NALF1: variants seen among roughly 807,000 people sequenced by gnomAD.
NALF1 encodes family with sequence similarity 155 member A.
Under a neutral mutation model 48.4 loss-of-function variants are expected in NALF1, and 3 were observed. The ratio of observed to expected loss-of-function variants is 0.06; its 90% CI spans 0.03 to 0.16. The LOEUF is 0.16. NALF1 is among the 10% of genes least tolerant of loss of function. The probability of loss-of-function intolerance (pLI) is 1.00; values close to 1 mark genes in which losing one functional copy is unlikely to be tolerated. For synonymous variants in NALF1, 262 were observed against 245.7 expected (o/e 1.07, Z -0.62); for missense variants, 526 against 571.5 (o/e 0.92, Z 0.81).
intron 1 of NALF1, among the ~76,000 whole-genome samples, chr13:107,745,011 G>A (rs1333369176): frequency 3.9e-5 from 6 of 152,148 alleles, no homozygotes. Flanking sequence ...TTCACAACCA[G>A]TATCAACACG....
At chr13:107,836,803 C>T (rs747968398) in intron 1 of NALF1, among the ~76,000 whole-genome samples, 6 of 152,030 alleles carry the variant, frequency 3.9e-5, no homozygotes, top group African/African-American at 4.8e-5. Flanking sequence ...TTGGAAATGG[C>T]GAAGCTCTTT....
intron 1 of NALF1, among the ~76,000 whole-genome samples, chr13:107,627,928 A>G (rs1879723454): frequency 6.6e-6 from 1 of 152,122 alleles, no homozygotes; most frequent in Admixed American, 6.6e-5. Flanking sequence ...AAAAAATAAT[A>G]ATAAATAAAA....
intron 1 of NALF1, among the ~76,000 whole-genome samples, chr13:107,319,979 C>G (rs371546999): frequency 3.9e-5 from 6 of 152,160 alleles, no homozygotes; most frequent in African/African-American, 1.4e-4. Flanking sequence ...TTGTGACACA[C>G]CAAAGTTGAG....
rs553463943 is a variant in NALF1, at chr13:107,557,668, AC to A, written c.915+308013del. 4.1e-3 allele frequency among the ~76,000 whole-genome samples: 622 copies of A among 152,160 alleles called. 6 individuals are homozygous for A. Among genetic ancestry groups the A allele is most frequent in the African/African-American group, 0.014 (584 of 41,506 alleles). ...CACAGCCTTTTTGAGATGGAAGAAA[AC>A]ACATTTTGTGGAAAGGAACACTCAG... On this transcript the variant is annotated intron_variant, in intron 1 of 2. Transcript: ENST00000375915.
intron 1 of NALF1, among the ~76,000 whole-genome samples, chr13:107,823,931 T>A (rs1225598069): frequency 1.3e-5 from 2 of 152,058 alleles, no homozygotes; most frequent in Non-Finnish European, 2.9e-5. Context: ...TGTAAAGTGT[T>A]TCTTGTAGTG....
chr13:107,192,923 T>C (rs1253678703), intron 2 of NALF1, among the ~76,000 whole-genome samples: 5 of 152,198 alleles, frequency 3.3e-5, no homozygotes, highest in African/African-American at 9.7e-5. Context: ...CAATAGTAAG[T>C]ACATGGAAAT....
At chr13:107,851,805 C>CTT (rs34999908) in intron 1 of NALF1, among the ~76,000 whole-genome samples, 1,994 of 104,682 alleles carry the variant, frequency 0.019, 52 homozygotes, top group African/African-American at 0.051. Context: ...CAGGCCCTTT[C>CTT]TTTTTTTTTT....
intron 1 of NALF1, among the ~76,000 whole-genome samples, chr13:107,404,075 G>A (rs188528771): frequency 6.6e-6 from 1 of 152,062 alleles, no homozygotes; most frequent in Non-Finnish European, 1.5e-5. Flanking sequence ...GATAATGAAA[G>A]TATAAACATT....
chr13:107,239,757 C>A (rs1181152268), intron 1 of NALF1, among the ~76,000 whole-genome samples: 1 of 152,106 alleles, frequency 6.6e-6, no homozygotes, highest in Non-Finnish European at 1.5e-5. Context: ...AGAAGAGAGA[C>A]TGGGGATTAA....
intron 1 of NALF1, among the ~76,000 whole-genome samples, chr13:107,464,037 A>T (rs906641550): frequency 3.9e-5 from 6 of 152,170 alleles, no homozygotes; most frequent in Non-Finnish European, 8.8e-5. Flanking sequence ...GTAGAATAGT[A>T]AGAATGTCTT....
chr13:107,469,384 C>T (rs1486708285), intron 1 of NALF1, among the ~76,000 whole-genome samples: 1 of 151,976 alleles, frequency 6.6e-6, no homozygotes, highest in Non-Finnish European at 1.5e-5. Context: ...GTTATATGCC[C>T]AATTATGGCA....
intron 1 of NALF1, among the ~76,000 whole-genome samples, chr13:107,621,728 C>T (rs1879521915): frequency 6.6e-6 from 1 of 152,186 alleles, no homozygotes. Context: ...ACACAATAAT[C>T]CATGAGAAAA....
intron 1 of NALF1, among the ~76,000 whole-genome samples, chr13:107,313,226 C>G (rs1473334425): frequency 6.6e-6 from 1 of 151,856 alleles, no homozygotes; most frequent in Non-Finnish European, 1.5e-5. Flanking sequence ...GAAAAAGGAA[C>G]AGGAATTTTT....
intron 2 of NALF1, among the ~76,000 whole-genome samples, chr13:107,192,738 C>T (rs994047366): frequency 1.1e-4 from 16 of 152,236 alleles, no homozygotes; most frequent in African/African-American, 3.9e-4. Flanking sequence ...CTGACTGAAC[C>T]CCAACAATAA....
intron 1 of NALF1, among the ~76,000 whole-genome samples, chr13:107,461,803 G>C (rs576437757): frequency 6.6e-6 from 1 of 152,236 alleles, no homozygotes; most frequent in Admixed American, 6.5e-5. Flanking sequence ...GGATTTTTTA[G>C]TGTGATTTTC....
intron 1 of NALF1, among the ~76,000 whole-genome samples, chr13:107,357,259 T>C (rs141775100): frequency 6.6e-6 from 1 of 152,094 alleles, no homozygotes; most frequent in Non-Finnish European, 1.5e-5. Flanking sequence ...CCTTCTCATA[T>C]GGCAGCAGGA....
chr13:107,249,254 C>T (rs1880646058), intron 1 of NALF1, among the ~76,000 whole-genome samples: 1 of 151,984 alleles, frequency 6.6e-6, no homozygotes, highest in Non-Finnish European at 1.5e-5. Context: ...TGCATTCAGT[C>T]ACAGTTTTGT....
chr13:107,786,742 AAGAG>A (rs1164176180), intron 1 of NALF1, among the ~76,000 whole-genome samples: 5 of 150,442 alleles, frequency 3.3e-5, no homozygotes, highest in Admixed American at 6.6e-5. Flanking sequence ...CAGAAAAAAA[AAGAG>A]AGAGAGAGAA....
chr13:107,329,039 C>G (rs989706845), intron 1 of NALF1, among the ~76,000 whole-genome samples: 1 of 152,182 alleles, frequency 6.6e-6, no homozygotes, highest in African/African-American at 2.4e-5. Context: ...AAATGAGGTA[C>G]AGTGTTTCAC....
Sources: allele counts gnomAD v4.1 joint callset (sites outside exome capture counted in the v4.1 genomes callset), GRCh38; gene constraint gnomAD v4.1.1; transcripts MANE v1.5; gene names NCBI Gene and HGNC (gene_info 2026-07-23, HGNC 2026-07-21).